RBFOX1: variants seen among roughly 807,000 people sequenced by gnomAD.
RBFOX1 encodes the protein RNA binding fox-1 homolog 1, also known as RNA binding protein fox-1 homolog 1.
RBFOX1 carries 8 observed loss-of-function variants against 57.7 expected under a neutral mutation model. The ratio of observed to expected loss-of-function variants is 0.14; its 90% CI spans 0.08 to 0.25. The LOEUF (loss-of-function observed/expected upper bound fraction) is 0.25, where lower values mean the gene tolerates loss of function less well. RBFOX1 is among the 10% of genes least tolerant of loss of function. The pLI is 1.00. For missense variants in RBFOX1, 611 were observed against 548.5 expected (o/e 1.11, Z -1.14); for synonymous variants, 326 against 222.4 (o/e 1.47, Z -4.15).
intron 3 of RBFOX1, among the ~76,000 whole-genome samples, chr16:6,723,090 T>G (rs35110061): frequency 0.16 from 23,942 of 152,224 alleles, 1,939 homozygotes; most frequent in South Asian, 0.21. Flanking sequence ...TGAGTGGTGA[T>G]GTGGACACCA....
At chr16:7,491,503 T>G (rs2066967097) in intron 4 of RBFOX1, among the ~76,000 whole-genome samples, 1 of 151,694 alleles carries the variant, frequency 6.6e-6, no homozygotes, top group Admixed American at 6.6e-5. Context: ...TCAGAATTCC[T>G]TTGAGAGATC....
intron 1 of RBFOX1, among the ~76,000 whole-genome samples, chr16:6,285,211 G>C (rs2076777751): frequency 6.6e-6 from 1 of 152,126 alleles, no homozygotes; most frequent in South Asian, 2.1e-4. Context: ...TGCAAATTTG[G>C]AATTCCAGAT....
intron 3 of RBFOX1, among the ~76,000 whole-genome samples, chr16:6,687,164 C>T (rs1374669234): frequency 6.6e-6 from 1 of 152,052 alleles, no homozygotes; most frequent in African/African-American, 2.4e-5. Flanking sequence ...TATGAGTATC[C>T]TTTGAATTCT....
intron 3 of RBFOX1, among the ~76,000 whole-genome samples, chr16:5,665,523 C>T (rs977071937): frequency 3.3e-5 from 5 of 152,266 alleles, no homozygotes; most frequent in South Asian, 4.2e-4. Context: ...TAAAATTAAA[C>T]GGGATTGTAT....
At chr16:7,022,067 C>A (rs1032927139) in intron 3 of RBFOX1, among the ~76,000 whole-genome samples, 25 of 118,064 alleles carry the variant, frequency 2.1e-4, no homozygotes, top group Non-Finnish European at 4.0e-4. Context: ...CCTCCCCTTT[C>A]CTTTCCTTTC....
intron 3 of RBFOX1, among the ~76,000 whole-genome samples, chr16:5,712,588 C>G (rs112391750): frequency 6.6e-6 from 1 of 150,762 alleles, no homozygotes; most frequent in Non-Finnish European, 1.5e-5. Flanking sequence ...TCACTTAATT[C>G]CCATAACAGG....
At position 6,663,078 on chromosome 16, in the gene RBFOX1, C is replaced by T. The variant is rs937909497; in HGVS notation, c.-16+8428C>T. Among the ~76,000 whole-genome samples the T allele has an allele frequency of 6.6e-5, 10 of 152,152 alleles. No homozygotes were observed. The Middle Eastern group carries it at 0.014, about 207-fold the overall frequency. On this transcript the variant is annotated intron_variant, in intron 3 of 15. Coordinates refer to ENST00000550418, the MANE Select transcript of RBFOX1 (RefSeq NM_018723.4). ...ACTCTCCTTGTGTGCAGGAGGGAACCAGAAGTGGGCAGGGATGGATACAGG... is the reference window on the plus strand; with the variant it reads ...ACTCTCCTTGTGTGCAGGAGGGAACTAGAAGTGGGCAGGGATGGATACAGG...
At chr16:6,829,624 C>G (rs188699685) in intron 3 of RBFOX1, among the ~76,000 whole-genome samples, 2 of 151,672 alleles carry the variant, frequency 1.3e-5, no homozygotes, top group African/African-American at 4.8e-5. Flanking sequence ...TTTTTTAAGA[C>G]GGAGTCTCGC....
intron 4 of RBFOX1, among the ~76,000 whole-genome samples, chr16:5,975,453 G>C (rs146930124): frequency 6.6e-6 from 1 of 152,174 alleles, no homozygotes; most frequent in African/African-American, 2.4e-5. Context: ...AAAACCGAGT[G>C]TGCTTATAAC....
rs972867736 is a variant in RBFOX1 at position 6,386,125 on chromosome 16, C to T, written c.-64+69068C>T. On this transcript the variant is annotated intron_variant, in intron 2 of 15. Coordinates refer to ENST00000550418, the MANE Select transcript of RBFOX1 (RefSeq NM_018723.4). Reference sequence around the variant, plus strand: ...TAACTTTTTGTATTTTTAGTAGAGACGGGGTTTCACCGTGTCACTCAGGAT... The same window carrying T: ...TAACTTTTTGTATTTTTAGTAGAGATGGGGTTTCACCGTGTCACTCAGGAT... Among the ~76,000 whole-genome samples the T allele has an allele frequency of 4.6e-5, 7 of 152,096 alleles. No individual in the cohort carries two copies. In the Middle Eastern group the frequency reaches 0.01, roughly 222 times the overall value.
chr16:5,752,754 G>A (rs889344668), intron 3 of RBFOX1, among the ~76,000 whole-genome samples: 1 of 152,272 alleles, frequency 6.6e-6, no homozygotes, highest in South Asian at 2.1e-4. Flanking sequence ...ATTTTGCCAA[G>A]CCTGGAGATA....
At chr16:6,925,335 G>A (rs921541068) in intron 3 of RBFOX1, among the ~76,000 whole-genome samples, 13 of 151,332 alleles carry the variant, frequency 8.6e-5, no homozygotes, top group South Asian at 2.1e-4. Flanking sequence ...CTGTTGGCCA[G>A]GCTGGTCTTG....
chr16:7,406,881 C>A (rs8059541), intron 4 of RBFOX1, among the ~76,000 whole-genome samples: 45,582 of 152,096 alleles, frequency 0.3, 7,666 homozygotes, highest in East Asian at 0.68. Context: ...TAGAGGCCAC[C>A]TGCTTTCCTT....
At chr16:6,119,508 A>G (rs941100102) in intron 1 of RBFOX1, among the ~76,000 whole-genome samples, 1 of 152,210 alleles carries the variant, frequency 6.6e-6, no homozygotes, top group Non-Finnish European at 1.5e-5. Flanking sequence ...TATTACTTTG[A>G]TGGCCCAATG....
intron 3 of RBFOX1, among the ~76,000 whole-genome samples, chr16:6,728,465 T>C (rs2067757715): frequency 6.6e-6 from 1 of 152,194 alleles, no homozygotes; most frequent in Non-Finnish European, 1.5e-5. Context: ...CTCTATGAAG[T>C]AATCCCTTTT....
chr16:6,450,754 C>CAT (rs200812486), intron 2 of RBFOX1, among the ~76,000 whole-genome samples: 17,570 of 58,436 alleles, frequency 0.3, 3,857 homozygotes, highest in Non-Finnish European at 0.33. Context: ...TATATATATA[C>CAT]ATATATATAT....
At chr16:7,473,169 A>G (rs2061908542) in intron 4 of RBFOX1, among the ~76,000 whole-genome samples, 1 of 152,200 alleles carries the variant, frequency 6.6e-6, no homozygotes, top group East Asian at 1.9e-4. Flanking sequence ...CTTTAAGCCC[A>G]GGAGTTTGAG....
intron 1 of RBFOX1, among the ~76,000 whole-genome samples, chr16:5,361,026 C>G (rs981113170): frequency 6.6e-6 from 1 of 152,172 alleles, no homozygotes; most frequent in African/African-American, 2.4e-5. Flanking sequence ...AATGTCAACT[C>G]TACAAATGCT....
At chr16:6,800,463 A>G (rs192231375) in intron 3 of RBFOX1, among the ~76,000 whole-genome samples, 6 of 152,076 alleles carry the variant, frequency 3.9e-5, no homozygotes, top group South Asian at 4.2e-4. Flanking sequence ...TTTTGGTTCA[A>G]TAAGTCTCGG....
Sources: allele counts gnomAD v4.1 joint callset (sites outside exome capture counted in the v4.1 genomes callset), GRCh38; gene constraint gnomAD v4.1.1; transcripts MANE v1.5; gene names NCBI Gene and HGNC (gene_info 2026-07-23, HGNC 2026-07-21).